Variants in ANKRD13B observed in about 807,000 individuals in gnomAD.
ANKRD13B encodes the protein ankyrin repeat domain-containing protein 13B.
Under a neutral mutation model 74.4 loss-of-function variants are expected in ANKRD13B, and 33 were observed. The ratio of observed to expected loss-of-function variants is 0.44; its 90% CI spans 0.34 to 0.59. ANKRD13B has a LOEUF of 0.59. Among genes scored for constraint, ANKRD13B ranks in the 20% least tolerant of loss-of-function variants. The probability of loss-of-function intolerance (pLI) is 0.02; values close to 1 mark genes in which losing one functional copy is unlikely to be tolerated. For missense variants in ANKRD13B, 676 were observed against 877.9 expected, an observed-to-expected ratio of 0.77 and a Z score of 2.91; for synonymous variants, 341 against 362.9, an observed-to-expected ratio of 0.94 and a Z score of 0.68.
In ANKRD13B at chr17:29,608,796, C is replaced by T; in HGVS notation, c.422-55C>T. On this transcript the variant is annotated intron_variant, in intron 4 of 14. Coordinates refer to ENST00000394859, the MANE Select transcript of ANKRD13B (RefSeq NM_152345.5). This position sits in a 1 kb window ranked among gnomAD's most constrained non-coding sequence, Gnocchi z 6.4. ...CCCAAACCCCATGCCCTGAGCTGGTCCAGGCCGTGTAGGCCAGACCAGTCA... is the reference window on the plus strand; with the variant it reads ...CCCAAACCCCATGCCCTGAGCTGGTTCAGGCCGTGTAGGCCAGACCAGTCA... The T allele has an allele frequency of 2.5e-6, 4 of 1,608,170 alleles. No individual in the cohort carries two copies. Among genetic ancestry groups the T allele is most frequent in the Non-Finnish European group, 2.5e-6 (3 of 1,176,632 alleles).
chr17:29,604,651 T>C (rs528413477), intron 1 of ANKRD13B, among the ~76,000 whole-genome samples: 4 of 152,024 alleles, frequency 2.6e-5, no homozygotes, highest in Admixed American at 6.5e-5. Context: ...AAGTGATTCT[T>C]GTGCCTCAGC....
chr17:29,609,558 C>T lies in ANKRD13B; in HGVS notation c.822+137C>T. ...GTGGTCAAGCACTTATATTTGGGTT[C>T]AAGGCACTTCTCTGGTGTTTTATAT... On this transcript the variant is annotated intron_variant, in intron 7 of 14. Transcript: ENST00000394859. This position sits in a 1 kb window ranked among gnomAD's most constrained non-coding sequence, Gnocchi z 4.0. 1 of 961,750 alleles carries T rather than the reference C, an allele frequency of 1.0e-6. No individual in the cohort carries two copies. Among genetic ancestry groups the T allele is most frequent in the Non-Finnish European group, 1.6e-6 (1 of 644,116 alleles). 59.6% of individuals were successfully genotyped at this position (961,750 alleles called of 1,614,324 possible). A position where few individuals can be genotyped will look rare whatever the true frequency, so the allele number is the denominator to read the frequency against.
chr17:29,600,949 G>C (rs892457200), intron 1 of ANKRD13B, among the ~76,000 whole-genome samples: 1 of 141,766 alleles, frequency 7.1e-6, no homozygotes, highest in East Asian at 2.0e-4. Flanking sequence ...TTTTGAGACA[G>C]GGTCTGGCTT....
rs1397022795 is a variant in ANKRD13B, at chr17:29,603,508, G to A, written c.115-4234G>A. ...ACTCCTGAACTCAAGCCAACCTCCC[G>A]CCTTGGCCTCCAAAAGTGCTGGGAC... On this transcript the variant is annotated intron_variant, in intron 1 of 14. Transcript: ENST00000394859. Among the ~76,000 whole-genome samples, 7 of 152,124 alleles carry A rather than the reference G, an allele frequency of 4.6e-5. No individual in the cohort carries two copies. In the East Asian group the frequency reaches 7.7e-4, roughly 17 times the overall value.
At chr17:29,610,578 A>T in intron 7 of ANKRD13B, 107 bp from the exon 8 acceptor site, 1 of 810,274 alleles carries the variant, frequency 1.2e-6, no homozygotes. Flanking sequence ...CCTGAAGCAG[A>T]GTCTCTCCAG....
At chr17:29,606,278 A>G (rs534187378) in intron 1 of ANKRD13B, among the ~76,000 whole-genome samples, 42 of 147,210 alleles carry the variant, frequency 2.9e-4, no homozygotes, top group Non-Finnish European at 4.7e-4. Flanking sequence ...TATGCTTAAG[A>G]CCGGGCGTGG....
chr17:29,613,074 G>A (rs2034659421), intron 14 of ANKRD13B, 111 bp downstream of exon 14: 4 of 1,414,054 alleles, frequency 2.8e-6, no homozygotes, highest in African/African-American at 2.8e-5. Context: ...TCCTGGTATC[G>A]GGATGGCTTC....
rs762964059 is a variant in ANKRD13B at position 29,612,319 on chromosome 17, G to A, written c.1258+46G>A. On this transcript the variant is annotated intron_variant, in intron 11 of 14. Transcript: ENST00000394859. This position sits in a 1 kb window ranked among gnomAD's most constrained non-coding sequence, Gnocchi z 6.1. ...CTCCTGAGCCCGTGGCGGGCCGACCGGGGTTTAGATGAGGTCGGGGTGGGG... is the reference window on the plus strand; with the variant it reads ...CTCCTGAGCCCGTGGCGGGCCGACCAGGGTTTAGATGAGGTCGGGGTGGGG... The A allele has an allele frequency of 3.7e-6, 6 of 1,612,172 alleles. No individual in the cohort carries two copies. The highest frequency in any genetic ancestry group is 2.2e-5 in the South Asian group (2 of 91,024).
At chr17:29,596,818 G>A (rs2033971009) in intron 1 of ANKRD13B, among the ~76,000 whole-genome samples, 2 of 152,196 alleles carry the variant, frequency 1.3e-5, no homozygotes, top group African/African-American at 4.8e-5. Context: ...TGGTAAGCTA[G>A]GAAGCTCGGG....
chr17:29,613,467 A>G lies in ANKRD13B; in HGVS notation c.1766A>G (p.Gln589Arg). ...CACGTGTTCCGGAGCTACGACGAGC[A>G]GCTGCGGCTGGCGATGGAACTGTCG... ...GGHVFRSYDE[Q>R]LRLAMELSAQ... Residue 589 changes from glutamine to arginine, a missense_variant, in exon 15 of 15, where the codon CAG (glutamine) becomes CGG (arginine). Transcript: ENST00000394859. 2 of 1,533,472 alleles carry G rather than the reference A, an allele frequency of 1.3e-6. No homozygotes were observed. Among genetic ancestry groups the G allele is most frequent in the Non-Finnish European group, 1.8e-6 (2 of 1,142,090 alleles). The allele number at this position is 1,533,472 out of a possible 1,614,324, so 95.0% of individuals were successfully genotyped here. A position where few individuals can be genotyped will look rare whatever the true frequency, so the allele number is the denominator to read the frequency against.
chr17:29,601,007 C>T (rs2034156908), intron 1 of ANKRD13B, among the ~76,000 whole-genome samples: 1 of 150,984 alleles, frequency 6.6e-6, no homozygotes, highest in Non-Finnish European at 1.5e-5. Context: ...TCACTGCAAC[C>T]TCTGGCTCCC....
chr17:29,604,907 T>C (rs2034315241), intron 1 of ANKRD13B, among the ~76,000 whole-genome samples: 2 of 152,202 alleles, frequency 1.3e-5, no homozygotes, highest in South Asian at 4.1e-4. Context: ...ATAGTTTAGC[T>C]CTACTGCTAA....
At chr17:29,594,931 T>G (rs1233507115) in intron 1 of ANKRD13B, among the ~76,000 whole-genome samples, 1 of 152,210 alleles carries the variant, frequency 6.6e-6, no homozygotes, top group Non-Finnish European at 1.5e-5. Flanking sequence ...AGTCCCACGC[T>G]GAGCCAGCCC....
chr17:29,609,548 T>C lies in ANKRD13B; in HGVS notation c.822+127T>C, dbSNP rs1317927333. 10 of 1,152,862 alleles carry C rather than the reference T, an allele frequency of 8.7e-6. No homozygotes were observed. Among genetic ancestry groups the C allele is most frequent in the East Asian group, 2.6e-5 (1 of 38,846 alleles). The allele number at this position is 1,152,862 out of a possible 1,614,324, so 71.4% of individuals were successfully genotyped here. A position where few individuals can be genotyped will look rare whatever the true frequency, so the allele number is the denominator to read the frequency against. ...GCAATGCAGCGTGGTCAAGCACTTA[T>C]ATTTGGGTTCAAGGCACTTCTCTGG... On this transcript the variant is annotated intron_variant, in intron 7 of 14. Transcript: ENST00000394859. This position sits in a 1 kb window ranked among gnomAD's most constrained non-coding sequence, Gnocchi z 4.0.
At chr17:29,603,793 A>G (rs2034263963) in intron 1 of ANKRD13B, among the ~76,000 whole-genome samples, 1 of 151,512 alleles carries the variant, frequency 6.6e-6, no homozygotes, top group Admixed American at 6.6e-5. Flanking sequence ...TCTTGAGTAT[A>G]TTGAGCCATC....
Position 29,614,384 on chromosome 17 carries a change from GC to G in ANKRD13B, c.*803del, listed in dbSNP as rs1165236706. 1 of 152,234 alleles carries G rather than the reference GC, an allele frequency of 6.6e-6. No homozygotes were observed. Among genetic ancestry groups the G allele is most frequent in the Non-Finnish European group, 1.5e-5 (1 of 68,070 alleles). 9.4% of individuals were successfully genotyped at this position (152,234 alleles called of 1,614,324 possible). A position where few individuals can be genotyped will look rare whatever the true frequency, so the allele number is the denominator to read the frequency against. On this transcript the variant is annotated 3_prime_UTR_variant, in exon 15 of 15. Coordinates refer to ENST00000394859, the MANE Select transcript of ANKRD13B (RefSeq NM_152345.5). Reference sequence around the variant, plus strand: ...GACCCAAGTAGACTGGACACAAAGGGCTCGCCCAGGGCCCTGGCGCCACCCC... The same window carrying G: ...GACCCAAGTAGACTGGACACAAAGGGTCGCCCAGGGCCCTGGCGCCACCCC...
intron 1 of ANKRD13B, among the ~76,000 whole-genome samples, chr17:29,598,119 C>G (rs1011387078): frequency 6.6e-6 from 1 of 152,082 alleles, no homozygotes; most frequent in Non-Finnish European, 1.5e-5. Context: ...TTGCAAGCCC[C>G]GGAGTCCAGC....
chr17:29,613,454 A>C lies in ANKRD13B; in HGVS notation c.1753A>C (p.Ser585Arg). The C allele has an allele frequency of 6.5e-7, 1 of 1,532,624 alleles. No individual in the cohort carries two copies. The highest frequency in any genetic ancestry group is 8.8e-7 in the Non-Finnish European group (1 of 1,141,972). The allele number at this position is 1,532,624 out of a possible 1,614,324, so 94.9% of individuals were successfully genotyped here. Residue 585 changes from serine to arginine, a missense_variant, in exon 15 of 15, where the codon AGC becomes CGC. Physicochemically the swap from Ser to Arg is moderately radical, Grantham distance 110. Coordinates refer to ENST00000394859, the MANE Select transcript of ANKRD13B (RefSeq NM_152345.5). ...GPGSGGHVFR[S>R]YDEQLRLAME... ...AGGTTCCGGCGGCCACGTGTTCCGGAGCTACGACGAGCAGCTGCGGCTGGC... is the reference window on the plus strand; with the variant it reads ...AGGTTCCGGCGGCCACGTGTTCCGGCGCTACGACGAGCAGCTGCGGCTGGC...
intron 2 of ANKRD13B, 32 bp downstream of exon 2, chr17:29,607,909 C>T (rs1204167904): frequency 6.3e-7 from 1 of 1,578,784 alleles, no homozygotes; most frequent in Non-Finnish European, 8.6e-7. Context: ...AGCCCCACAG[C>T]CGGGGCCTCC....
Sources: gnomAD v4.1 joint callset for allele counts (sites outside exome capture counted in the v4.1 genomes callset) on GRCh38, gnomAD v4.1.1 for gene constraint, Gnocchi (gnomAD v3.1) non-coding constraint, MANE v1.5 for transcripts, NCBI Gene and HGNC (gene_info 2026-07-23, HGNC 2026-07-21) for gene names.